DLGAP1: variants seen among roughly 807,000 people sequenced by gnomAD.
DLGAP1 encodes disks large-associated protein 1.
A neutral mutation model predicts 90.8 loss-of-function variants in DLGAP1; 11 were observed. The observed-to-expected ratio is 0.12, with a 90% confidence interval of 0.08 to 0.20. The LOEUF (loss-of-function observed/expected upper bound fraction) is 0.20, where lower values mean the gene tolerates loss of function less well. Among genes scored for constraint, DLGAP1 ranks in the 10% least tolerant of loss-of-function variants. DLGAP1 has a pLI of 1.00. For synonymous variants in DLGAP1, 558 were observed against 540.7 expected (o/e 1.03, Z -0.44); for missense variants, 1,050 against 1,333.8 (o/e 0.79, Z 3.31).
intron 4 of DLGAP1, among the ~76,000 whole-genome samples, chr18:3,848,675 C>G (rs1479536422): frequency 6.6e-6 from 1 of 152,152 alleles, no homozygotes; most frequent in East Asian, 1.9e-4. Context: ...CCTGGGTACT[C>G]TTTTTGGACA....
intron 3 of DLGAP1, chr18:3,995,489 A>G (rs920634): frequency 0.65 from 98,267 of 152,008 alleles, 32,093 homozygotes; most frequent in Middle Eastern, 0.77. Flanking sequence ...TTGTCCCTAA[A>G]CTTATGGGCT....
chr18:3,988,562 T>C (rs1056220445), intron 3 of DLGAP1, among the ~76,000 whole-genome samples: 46 of 151,970 alleles, frequency 3.0e-4, no homozygotes, highest in African/African-American at 1.0e-3. Context: ...CAGTTCACAA[T>C]AGGGTTGGCG....
At chr18:3,977,439 T>TTTG (rs1599255589) in intron 3 of DLGAP1, among the ~76,000 whole-genome samples, 1 of 116,178 alleles carries the variant, frequency 8.6e-6, no homozygotes, top group African/African-American at 4.4e-5. Context: ...TCTGTGTTTT[T>TTTG]TTTTTTTTTT....
At chr18:4,274,936 G>A (rs1163756275) in intron 1 of DLGAP1, among the ~76,000 whole-genome samples, 1 of 152,032 alleles carries the variant, frequency 6.6e-6, no homozygotes, top group Non-Finnish European at 1.5e-5. Context: ...GAACAAATTG[G>A]TAAGATGCTA....
At chr18:3,662,799 C>T (rs907333919) in intron 7 of DLGAP1, among the ~76,000 whole-genome samples, 4 of 152,210 alleles carry the variant, frequency 2.6e-5, no homozygotes, top group African/African-American at 9.7e-5. Context: ...GCTGTTTATC[C>T]ACTCTTTGAG....
At chr18:4,340,332 C>T (rs1308080793) in intron 1 of DLGAP1, among the ~76,000 whole-genome samples, 4 of 152,014 alleles carry the variant, frequency 2.6e-5, no homozygotes, top group African/African-American at 4.8e-5. Flanking sequence ...CCCAGAAGGA[C>T]AAAGCAGGAC....
intron 2 of DLGAP1, among the ~76,000 whole-genome samples, chr18:4,080,179 A>T (rs1012266196): frequency 2.6e-5 from 4 of 152,196 alleles, no homozygotes; most frequent in African/African-American, 7.2e-5. Flanking sequence ...GACATATTGC[A>T]GTGCTTTCCT....
intron 1 of DLGAP1, among the ~76,000 whole-genome samples, chr18:4,292,756 C>G (rs2079883352): frequency 6.6e-6 from 1 of 152,120 alleles, no homozygotes; most frequent in African/African-American, 2.4e-5. Flanking sequence ...TCTTTTCTCT[C>G]CCCTGGGAAA....
chr18:3,690,850 C>T (rs561631462), intron 7 of DLGAP1, among the ~76,000 whole-genome samples: 2 of 152,298 alleles, frequency 1.3e-5, no homozygotes, highest in East Asian at 3.9e-4. Context: ...TCACTGAGGC[C>T]AAGACTTATG....
Position 3,880,070 on chromosome 18 carries a change from G to T in DLGAP1, c.-2C>A. 1 of 1,599,182 alleles carries T rather than the reference G, an allele frequency of 6.3e-7. No individual in the cohort carries two copies. The highest frequency in any genetic ancestry group is 8.5e-7 in the Non-Finnish European group (1 of 1,179,636). On this transcript the variant is annotated 5_prime_UTR_variant, in exon 4 of 13. Transcript: ENST00000315677. Reference sequence around the variant, plus strand: ...GCGGCTGCCTGATAGCCCTTTCATGGCGGACCGGAAGCAGCCGCCAGGGTC... The same window carrying T: ...GCGGCTGCCTGATAGCCCTTTCATGTCGGACCGGAAGCAGCCGCCAGGGTC...
chr18:3,632,304 C>CTT (rs939022218), intron 7 of DLGAP1, among the ~76,000 whole-genome samples: 4 of 141,874 alleles, frequency 2.8e-5, no homozygotes, highest in Admixed American at 1.4e-4. Flanking sequence ...TTTTTCTTTT[C>CTT]TTTTTTTTTT....
chr18:4,081,932 G>A (rs1456417937), intron 2 of DLGAP1, among the ~76,000 whole-genome samples: 1 of 152,130 alleles, frequency 6.6e-6, no homozygotes, highest in East Asian at 1.9e-4. Flanking sequence ...TAGAGGCCTG[G>A]CTCAGTGGCT....
chr18:3,661,571 CTT>C (rs10549959), intron 7 of DLGAP1, among the ~76,000 whole-genome samples: 5 of 125,282 alleles, frequency 4.0e-5, no homozygotes, highest in Admixed American at 8.5e-5. Flanking sequence ...GCTGTAAGGT[CTT>C]TTTTTTTTTT....
intron 7 of DLGAP1, chr18:3,596,537 T>C (rs2056585006): frequency 4.5e-6 from 1 of 220,598 alleles, no homozygotes; most frequent in South Asian, 4.7e-5. Flanking sequence ...CCTGTTGCTA[T>C]ATTCTCTGTT....
intron 12 of DLGAP1, among the ~76,000 whole-genome samples, chr18:3,501,209 T>C: frequency 6.9e-6 from 1 of 144,968 alleles, no homozygotes; most frequent in East Asian, 2.0e-4. Context: ...TGAGCCACCA[T>C]GCCCAGCCAA....
chr18:3,536,798 A>C (rs548894540), intron 9 of DLGAP1, among the ~76,000 whole-genome samples: 1 of 152,274 alleles, frequency 6.6e-6, no homozygotes, highest in East Asian at 1.9e-4. Context: ...AGCGCCCTAT[A>C]TATCTCTGGC....
At chr18:3,769,271 A>T (rs2064402594) in intron 5 of DLGAP1, among the ~76,000 whole-genome samples, 1 of 152,174 alleles carries the variant, frequency 6.6e-6, no homozygotes, top group African/African-American at 2.4e-5. Flanking sequence ...GATTCAACGA[A>T]AAGGGATCAT....
chr18:4,105,966 A>G (rs1287526009), intron 2 of DLGAP1, among the ~76,000 whole-genome samples: 1 of 138,924 alleles, frequency 7.2e-6, no homozygotes. Context: ...CGGGAGGCGG[A>G]GCTTGCAGTG....
At chr18:3,872,225 CAAAAAA>C (rs5822772) in intron 4 of DLGAP1, among the ~76,000 whole-genome samples, 58 of 87,096 alleles carry the variant, frequency 6.7e-4, no homozygotes, top group African/African-American at 1.9e-3. Flanking sequence ...CTCTCCAAGA[CAAAAAA>C]AAAAAAAAAA....
Sources: allele counts gnomAD v4.1 joint callset (sites outside exome capture counted in the v4.1 genomes callset), GRCh38; gene constraint gnomAD v4.1.1; transcripts MANE v1.5; gene names NCBI Gene and HGNC (gene_info 2026-07-23, HGNC 2026-07-21).